GABBR2: variants seen among roughly 807,000 people sequenced by gnomAD.
GABBR2 encodes gamma-aminobutyric acid type B receptor subunit 2, also known as G-protein coupled receptor 51.
Under a neutral mutation model 105.6 loss-of-function variants are expected in GABBR2, and 23 were observed. That is an observed-to-expected ratio of 0.22 (90% CI 0.16 to 0.31). The LOEUF (loss-of-function observed/expected upper bound fraction) is 0.31. Ranked by LOEUF, GABBR2 falls within the 10% of genes least tolerant of loss-of-function variation. GABBR2 has a pLI of 1.00. For missense variants in GABBR2, 734 were observed against 1,245.5 expected, an observed-to-expected ratio of 0.59 and a Z score of 6.18; for synonymous variants, 478 against 499.7, an observed-to-expected ratio of 0.96 and a Z score of 0.58.
intron 1 of GABBR2, among the ~76,000 whole-genome samples, chr9:98,615,728 CCACT>C (rs1829573622): frequency 6.6e-6 from 1 of 152,218 alleles, no homozygotes; most frequent in East Asian, 1.9e-4. Context: ...TTCTTCCAGG[CCACT>C]CAGTGTGTGC....
chr9:98,302,153 AGCTGTCCAGC>A (rs75740400), intron 16 of GABBR2, among the ~76,000 whole-genome samples: 28 of 152,228 alleles, frequency 1.8e-4, no homozygotes, highest in Non-Finnish European at 3.8e-4. Flanking sequence ...TCTTCCTTGC[AGCTGTCCAGC>A]TAGAGACGAC....
At chr9:98,315,919 A>G (rs1327907784) in intron 13 of GABBR2, among the ~76,000 whole-genome samples, 1 of 152,204 alleles carries the variant, frequency 6.6e-6, no homozygotes, top group Non-Finnish European at 1.5e-5. Context: ...CCACTTCTGG[A>G]GCAGCTGTTG....
At chr9:98,460,288 C>T (rs1826400689) in intron 6 of GABBR2, among the ~76,000 whole-genome samples, 1 of 152,034 alleles carries the variant, frequency 6.6e-6, no homozygotes, top group Non-Finnish European at 1.5e-5. Context: ...AAGGCTGAGG[C>T]AAGAGAATTG....
chr9:98,569,778 A>G (rs1302837199), intron 2 of GABBR2, among the ~76,000 whole-genome samples: 1 of 152,080 alleles, frequency 6.6e-6, no homozygotes, highest in Non-Finnish European at 1.5e-5. Flanking sequence ...AGCCTCTACG[A>G]CCTCTGCCAT....
At chr9:98,493,036 A>G (rs1827211171) in intron 4 of GABBR2, among the ~76,000 whole-genome samples, 1 of 152,192 alleles carries the variant, frequency 6.6e-6, no homozygotes, top group Admixed American at 6.5e-5. Flanking sequence ...TCTTCTGTGT[A>G]GGAGGTTTGC....
intron 1 of GABBR2, among the ~76,000 whole-genome samples, chr9:98,705,334 C>A (rs1470451982): frequency 6.6e-6 from 1 of 152,224 alleles, no homozygotes; most frequent in Non-Finnish European, 1.5e-5. Context: ...ATTCTACTTA[C>A]AGAAGAGAGT....
chr9:98,359,913 G>A (rs1831553435), intron 13 of GABBR2, among the ~76,000 whole-genome samples: 1 of 152,278 alleles, frequency 6.6e-6, no homozygotes, highest in Non-Finnish European at 1.5e-5. Context: ...CGACTCCAGC[G>A]GAGCCAGTGA....
intron 1 of GABBR2, among the ~76,000 whole-genome samples, chr9:98,667,967 G>C (rs548784231): frequency 4.6e-5 from 7 of 152,162 alleles, no homozygotes; most frequent in Non-Finnish European, 8.8e-5. Context: ...CTCATCCCAC[G>C]GGGCAGCCCA....
At chr9:98,335,147 G>A (rs1221075380) in intron 13 of GABBR2, among the ~76,000 whole-genome samples, 2 of 152,000 alleles carry the variant, frequency 1.3e-5, no homozygotes, top group Non-Finnish European at 1.5e-5. Context: ...CCTCTTCCTT[G>A]CTCTCTCTCT....
chr9:98,699,111 TG>T (rs1385073899), intron 1 of GABBR2, among the ~76,000 whole-genome samples: 2 of 152,164 alleles, frequency 1.3e-5, no homozygotes, highest in Non-Finnish European at 2.9e-5. Context: ...TTGGCTCTCG[TG>T]CTCTCTGGAG....
rs1393146444 is a variant in GABBR2 at position 98,708,841 on chromosome 9, G to C, written c.-104C>G. 5 of 635,514 alleles carry C rather than the reference G, an allele frequency of 7.9e-6. No homozygotes were observed. Among genetic ancestry groups the C allele is most frequent in the Admixed American group, 1.3e-4 (2 of 15,538 alleles). 39.4% of individuals were successfully genotyped at this position (635,514 alleles called of 1,614,324 possible). A position where few individuals can be genotyped will look rare whatever the true frequency, so the allele number is the denominator to read the frequency against. ...CCCGCGGCGCCCGCGCAATGGCGCC[G>C]GCCCGGGCCCCGGCTCCGTCTCGGG... On this transcript the variant is annotated 5_prime_UTR_variant, in exon 1 of 19. Transcript: ENST00000259455.
At chr9:98,554,124 C>T (rs1828539988) in intron 2 of GABBR2, among the ~76,000 whole-genome samples, 1 of 152,144 alleles carries the variant, frequency 6.6e-6, no homozygotes, top group African/African-American at 2.4e-5. Flanking sequence ...AGAATGACGT[C>T]CTCGCTCCAA....
intron 15 of GABBR2, among the ~76,000 whole-genome samples, chr9:98,304,787 C>T (rs1022703458): frequency 3.1e-5 from 4 of 128,104 alleles, no homozygotes; most frequent in Admixed American, 1.6e-4. Context: ...TTTGGAGGGG[C>T]GGGTAAAGGG....
At chr9:98,324,975 G>A (rs914263477) in intron 13 of GABBR2, among the ~76,000 whole-genome samples, 2 of 152,094 alleles carry the variant, frequency 1.3e-5, no homozygotes, top group African/African-American at 4.8e-5. Context: ...AGTCTTCTGA[G>A]GTTACATTAT....
intron 7 of GABBR2, among the ~76,000 whole-genome samples, chr9:98,444,881 A>G (rs372254472): frequency 0.16 from 5,119 of 32,826 alleles, 256 homozygotes; most frequent in African/African-American, 0.41. Context: ...GCGCGCGCGC[A>G]CACACACACA....
rs562518213 is a variant in GABBR2, at chr9:98,322,840, G to A, written c.1894-11635C>T. Among the ~76,000 whole-genome samples the A allele has an allele frequency of 3.3e-5, 5 of 152,062 alleles. No individual in the cohort carries two copies. In the South Asian group the frequency reaches 6.2e-4, roughly 19 times the overall value. On this transcript the variant is annotated intron_variant, in intron 13 of 18. Transcript: ENST00000259455. ...AAACATCTTCCTTCCTGTCTTTTTCGGGAGGACTTAGTCTGTGTTAGAGGT... is the reference window on the plus strand; with the variant it reads ...AAACATCTTCCTTCCTGTCTTTTTCAGGAGGACTTAGTCTGTGTTAGAGGT...
intron 13 of GABBR2, among the ~76,000 whole-genome samples, chr9:98,329,078 C>T (rs926744090): frequency 6.6e-6 from 1 of 152,160 alleles, no homozygotes; most frequent in South Asian, 2.1e-4. Flanking sequence ...GTGCCTGGCC[C>T]GAGTGAAACC....
At chr9:98,387,109 C>T (rs1274861908) in intron 10 of GABBR2, among the ~76,000 whole-genome samples, 3 of 151,970 alleles carry the variant, frequency 2.0e-5, no homozygotes, top group African/African-American at 7.3e-5. Context: ...GGCAGGCTTC[C>T]CAGAGGAGGT....
chr9:98,588,788 A>G (rs1057382320), intron 1 of GABBR2, among the ~76,000 whole-genome samples: 1 of 152,172 alleles, frequency 6.6e-6, no homozygotes, highest in African/African-American at 2.4e-5. Context: ...GCAATGGAAT[A>G]TGAACAAAGA....
Sources: allele counts gnomAD v4.1 joint callset (sites outside exome capture counted in the v4.1 genomes callset), GRCh38; gene constraint gnomAD v4.1.1; transcripts MANE v1.5; gene names NCBI Gene and HGNC (gene_info 2026-07-23, HGNC 2026-07-21).